Variants in CD22 observed in about 807,000 individuals in gnomAD.
CD22 encodes CD22 molecule.
A neutral mutation model predicts 94.7 loss-of-function variants in CD22; 51 were observed. That is an observed-to-expected ratio of 0.54 (90% CI 0.43 to 0.68). CD22 has a LOEUF of 0.68. CD22 is among the 30% of genes least tolerant of loss of function. The pLI is 0.00. For missense variants in CD22, 931 were observed against 1,060.4 expected (o/e 0.88, Z 1.69); for synonymous variants, 424 against 422.5 (o/e 1.00, Z -0.04).
chr19:35,342,007 G>GTCCTTCCCTCCT, intron 9 of CD22, 42 bp downstream of exon 9: 1 of 1,028,098 alleles, frequency 9.7e-7, no homozygotes, highest in Non-Finnish European at 1.4e-6. Flanking sequence ...GTGGTGGTCA[G>GTCCTTCCCTCCT]TCCTTCCTTC....
chr19:35,340,459 T>A (rs1234433553), intron 6 of CD22, among the ~76,000 whole-genome samples: 5 of 152,186 alleles, frequency 3.3e-5, no homozygotes, highest in Non-Finnish European at 7.3e-5. Context: ...ATTTTTAAAA[T>A]TTTTAGTAGA....
Position 35,338,243 on chromosome 19 carries a change from T to A in CD22, c.1061T>A (p.Met354Lys). 6.2e-7 allele frequency: 1 copy of A among 1,614,228 alleles called. No individual in the cohort carries two copies. Among genetic ancestry groups the A allele is most frequent in the South Asian group, 1.1e-5 (1 of 91,090 alleles). ...VEGSQVEFLC[M>K]SLANPLPTNY... ...GGAAGTCAAGTCGAGTTTCTTTGCA[T>A]GTCACTGGCCAATCCTCTTCCAACA... is the stretch of plus-strand genomic sequence containing the variant. The change falls in exon 6 of 14, where the codon ATG becomes AAG. Residue 354 changes from methionine to lysine, a missense_variant. Met to Lys is a moderately conservative substitution (Grantham distance 95, BLOSUM62 -1). Transcript: ENST00000085219.
chr19:35,346,267 G>A, intron 13 of CD22, 32 bp downstream of exon 13: 7 of 1,576,882 alleles, frequency 4.4e-6, no homozygotes, highest in Non-Finnish European at 5.2e-6. Flanking sequence ...CTCCCCAGAG[G>A]GGCTGTGGAA....
chr19:35,336,934 C>A (rs563433173), intron 4 of CD22, among the ~76,000 whole-genome samples: 1 of 152,282 alleles, frequency 6.6e-6, no homozygotes, highest in South Asian at 2.1e-4. Context: ...TGGAGAGAGA[C>A]CTCTCTAAGA....
intron 9 of CD22, 75 bp downstream of exon 9, chr19:35,342,040 TCC>T: frequency 1.8e-6 from 2 of 1,109,964 alleles, no homozygotes; most frequent in East Asian, 3.1e-5. Context: ...CTTCCTTCCT[TCC>T]TTCCTTCCTT....
chr19:35,341,913 G>T lies in CD22; in HGVS notation c.1983G>T (p.Gly661=). 1 of 1,613,850 alleles carries T rather than the reference G, an allele frequency of 6.2e-7. No individual in the cohort carries two copies. ...ACTCGGGTGCCTACTGGTGCCAGGG[G>T]ACCAACAGTGTGGGCAAGGGCCGTT... ...VQHSGAYWCQ[G]TNSVGKGRSP... is the part of the protein sequence containing the mutation. The change falls in exon 9 of 14, where the codon GGG becomes GGT. Residue 661 remains glycine, a synonymous_variant. Coordinates refer to ENST00000085219, the MANE Select transcript of CD22 (RefSeq NM_001771.4). This position sits in a 1 kb window ranked among gnomAD's most constrained non-coding sequence, Gnocchi z 4.0.
chr19:35,332,989 G>T, intron 3 of CD22, 65 bp downstream of exon 3: 1 of 1,535,596 alleles, frequency 6.5e-7, no homozygotes, highest in East Asian at 2.3e-5. Context: ...GGAAATACCT[G>T]ACTCCTGGCA....
intron 11 of CD22, 46 bp from the exon 12 acceptor site, chr19:35,345,556 G>C: frequency 8.1e-7 from 1 of 1,231,762 alleles, no homozygotes. Context: ...AGGGGACGAG[G>C]GTTGGGGAAC....
At position 35,341,740 on chromosome 19, in the gene CD22, G is replaced by T; in HGVS notation, c.1810G>T (p.Asp604Tyr). The T allele has an allele frequency of 1.2e-6, 2 of 1,611,292 alleles. No individual in the cohort carries two copies. Among genetic ancestry groups the T allele is most frequent in the Non-Finnish European group, 1.7e-6 (2 of 1,180,006 alleles). Residue 604 changes from aspartate (D) to tyrosine (Y), a missense_variant, in exon 9 of 14, where the codon GAC (aspartate) becomes TAC (tyrosine). Physicochemically the swap from Asp to Tyr is radical, Grantham distance 160 (BLOSUM62 -3). Coordinates refer to ENST00000085219, the MANE Select transcript of CD22 (RefSeq NM_001771.4). The surrounding 1 kb of genome is among the most constrained non-coding windows in gnomAD (Gnocchi z 4.0). ...GCTGCGTGTGTCCATGAGCCCGGGG[G>T]ACCAAGTGATGGAGGGGAAGAGTGC... ...RRLRVSMSPG[D>Y]QVMEGKSATL...
At chr19:35,331,926 G>C (rs928146904) in intron 1 of CD22, 93 bp from the exon 2 acceptor site, 3 of 1,599,222 alleles carry the variant, frequency 1.9e-6, no homozygotes, top group Non-Finnish European at 2.6e-6. Context: ...CCCGGATCCA[G>C]GGGAAGGGTC....
chr19:35,332,958 G>T (rs1444957062), intron 3 of CD22, 34 bp downstream of exon 3: 2 of 1,593,102 alleles, frequency 1.3e-6, no homozygotes, highest in Non-Finnish European at 1.7e-6. Flanking sequence ...CTCTGCTCTG[G>T]GCAGGGGTGA....
At position 35,329,205 on chromosome 19, in the gene CD22, T is replaced by C. The variant is rs1466311413; in HGVS notation, c.-48T>C. ...TGCTCTCAGATGCTGCCAGGGTCCC[T>C]GAAGAGGGAAGACACGCGGAAACAG... is the stretch of plus-strand genomic sequence containing the variant. On this transcript the variant is annotated 5_prime_UTR_variant, in exon 1 of 14. Coordinates refer to ENST00000085219, the MANE Select transcript of CD22 (RefSeq NM_001771.4). 1 of 1,289,718 alleles carries C rather than the reference T, an allele frequency of 7.8e-7. No individual in the cohort carries two copies. The allele number at this position is 1,289,718 out of a possible 1,614,324, so 79.9% of individuals were successfully genotyped here. A position where few individuals can be genotyped will look rare whatever the true frequency, so the allele number is the denominator to read the frequency against.
In CD22 at chr19:35,338,114, A is replaced by G. The variant is rs954027374; in HGVS notation, c.986-54A>G. On this transcript the variant is annotated intron_variant, in intron 5 of 13. Coordinates refer to ENST00000085219, the MANE Select transcript of CD22 (RefSeq NM_001771.4). ...CACGGGGGCTCTCGGGGCCGTGTGC[A>G]CAGGTTGGGGGTGCTCTCCTCACCC... The G allele has an allele frequency of 4.4e-6, 7 of 1,577,904 alleles. No homozygotes were observed. In the Admixed American group the frequency reaches 5.2e-5, roughly 12 times the overall value.
In CD22 at chr19:35,346,817, C is replaced by G. The variant is rs1404272393; in HGVS notation, c.*120C>G. 2 of 875,024 alleles carry G rather than the reference C, an allele frequency of 2.3e-6. No homozygotes were observed. Among genetic ancestry groups the G allele is most frequent in the Non-Finnish European group, 3.4e-6 (2 of 583,632 alleles). 54.2% of individuals were successfully genotyped at this position (875,024 alleles called of 1,614,324 possible). A position where few individuals can be genotyped will look rare whatever the true frequency, so the allele number is the denominator to read the frequency against. On this transcript the variant is annotated 3_prime_UTR_variant, in exon 14 of 14. Transcript: ENST00000085219. Reference sequence around the variant, plus strand: ...GCATGTGCGCACACACACACACACACGCACACACACACACACACACTCACT... The same window carrying G: ...GCATGTGCGCACACACACACACACAGGCACACACACACACACACACTCACT...
intron 6 of CD22, among the ~76,000 whole-genome samples, chr19:35,339,786 G>A (rs2066780333): frequency 6.6e-6 from 1 of 152,060 alleles, no homozygotes; most frequent in African/African-American, 2.4e-5. Flanking sequence ...AACCCAGGAG[G>A]CAGAGGTTGC....
intron 1 of CD22, 93 bp from the exon 2 acceptor site, chr19:35,331,926 G>T (rs928146904): frequency 2.6e-5 from 42 of 1,599,222 alleles, no homozygotes; most frequent in Non-Finnish European, 3.6e-5. Context: ...CCCGGATCCA[G>T]GGGAAGGGTC....
chr19:35,345,272 T>G (rs2066886110), intron 11 of CD22, 146 bp downstream of exon 11: 2 of 686,132 alleles, frequency 2.9e-6, no homozygotes, highest in Non-Finnish European at 5.0e-6. Flanking sequence ...ATTTTAAAAA[T>G]TAGCCGGGCG....
chr19:35,339,401 A>AAATAC (rs2066773549), intron 6 of CD22, among the ~76,000 whole-genome samples: 1 of 151,792 alleles, frequency 6.6e-6, no homozygotes, highest in Non-Finnish European at 1.5e-5. Flanking sequence ...ATCTCTACAA[A>AAATAC]AAAAAATTAG....
chr19:35,340,923 C>A lies in CD22; in HGVS notation c.1292C>A (p.Pro431Gln). 1 of 1,614,100 alleles carries A rather than the reference C, an allele frequency of 6.2e-7. No individual in the cohort carries two copies. Among genetic ancestry groups the A allele is most frequent in the Non-Finnish European group, 8.5e-7 (1 of 1,180,016 alleles). ...KVTTVIQNPMPIREGDTVTLS... is the reference protein window; with the variant it reads ...KVTTVIQNPMQIREGDTVTLS... The stretch of plus-strand genomic sequence containing the variant: ...ACCACAGTGATTCAAAACCCCATGC[C>A]GATTCGAGAAGGAGACACAGTGACC... The change falls in exon 7 of 14, where the codon CCG (proline) becomes CAG (glutamine). Residue 431 changes from proline (P) to glutamine (Q), a missense_variant. By Grantham distance (76) the Pro-to-Gln change is moderately conservative. Coordinates refer to ENST00000085219, the MANE Select transcript of CD22 (RefSeq NM_001771.4).
Sources: gnomAD v4.1 joint callset for allele counts (sites outside exome capture counted in the v4.1 genomes callset) on GRCh38, gnomAD v4.1.1 for gene constraint, Gnocchi (gnomAD v3.1) non-coding constraint, MANE v1.5 for transcripts, NCBI Gene and HGNC (gene_info 2026-07-23, HGNC 2026-07-21) for gene names.